ACYP2: variants seen among roughly 807,000 people sequenced by gnomAD.
ACYP2 encodes the protein acylphosphatase-2.
Under a neutral mutation model 11.2 loss-of-function variants are expected in ACYP2, and 12 were observed. That is an observed-to-expected ratio of 1.08 (90% CI 0.69 to 1.74). ACYP2 has a LOEUF of 1.74. Among genes scored for constraint, ACYP2 ranks in the 40% most tolerant of loss-of-function variants. The pLI is 0.00. For missense variants in ACYP2, 134 were observed against 101.9 expected (o/e 1.31, Z -1.35); for synonymous variants, 43 against 32.2 (o/e 1.33, Z -1.13).
intron 6 of ACYP2, among the ~76,000 whole-genome samples, chr2:54,190,422 C>A (rs566990388): frequency 1.3e-5 from 2 of 152,184 alleles, no homozygotes; most frequent in East Asian, 3.9e-4. Flanking sequence ...TCCTCCCTTT[C>A]TCTCTCACTA....
chr2:54,066,959 G>A (rs555441553), intron 4 of ACYP2, among the ~76,000 whole-genome samples: 1 of 152,312 alleles, frequency 6.6e-6, no homozygotes, highest in Non-Finnish European at 1.5e-5. Context: ...GATGGAGTTT[G>A]AATCTGAGAT....
intron 4 of ACYP2, among the ~76,000 whole-genome samples, chr2:54,093,569 G>A (rs987222463): frequency 6.6e-6 from 1 of 152,228 alleles, no homozygotes; most frequent in South Asian, 2.1e-4. Context: ...TGCTGTTTCT[G>A]TGTCTGGGTA....
intron 2 of ACYP2, among the ~76,000 whole-genome samples, chr2:54,000,207 T>C (rs1176207716): frequency 6.6e-6 from 1 of 152,028 alleles, no homozygotes; most frequent in Non-Finnish European, 1.5e-5. Context: ...TATAGTTTTG[T>C]CCCCACACCC....
At position 54,138,703 on chromosome 2, in the gene ACYP2, C is replaced by G; in HGVS notation, c.359C>G (p.Thr120Ser). 1 of 1,614,060 alleles carries G rather than the reference C, an allele frequency of 6.2e-7. No homozygotes were observed. The highest frequency in any genetic ancestry group is 8.5e-7 in the Non-Finnish European group (1 of 1,179,980). The change falls in exon 6 of 7, where the codon ACC becomes AGC. Residue 120 changes from threonine (T) to serine (S), a missense_variant. Transcript: ENST00000607452. The stretch of plus-strand genomic sequence containing the variant: ...TGGGTGAAGAATACCAGCAAAGGCA[C>G]CGTGACAGGCCAAGTGCAGGGGCCA...
intron 6 of ACYP2, among the ~76,000 whole-genome samples, chr2:54,290,654 T>C (rs956953559): frequency 6.6e-6 from 1 of 152,182 alleles, no homozygotes; most frequent in African/African-American, 2.4e-5. Context: ...GATTATCTAG[T>C]AGTTCTCTAT....
intron 4 of ACYP2, among the ~76,000 whole-genome samples, chr2:54,091,112 G>A (rs1255686279): frequency 6.6e-6 from 1 of 152,116 alleles, no homozygotes; most frequent in African/African-American, 2.4e-5. Context: ...TGATTAAAAG[G>A]ACAAAAGGGG....
intron 6 of ACYP2, among the ~76,000 whole-genome samples, chr2:54,162,994 G>C (rs1682792039): frequency 6.6e-6 from 1 of 152,100 alleles, no homozygotes; most frequent in African/African-American, 2.4e-5. Context: ...AAAAGAAAAA[G>C]AAAAATTACT....
intron 2 of ACYP2, among the ~76,000 whole-genome samples, chr2:54,017,488 C>G (rs1406319616): frequency 6.6e-6 from 1 of 152,146 alleles, no homozygotes. Flanking sequence ...CTCCTGACCT[C>G]AAGTGATCTG....
chr2:54,051,171 T>C (rs1341231642), intron 3 of ACYP2: 1 of 710,748 alleles, frequency 1.4e-6, no homozygotes, highest in Non-Finnish European at 2.5e-6. Flanking sequence ...CAGACAGGCA[T>C]TGGGCGACTC....
intron 1 of ACYP2, among the ~76,000 whole-genome samples, chr2:53,972,277 T>A (rs1671186220): frequency 6.8e-6 from 1 of 147,686 alleles, no homozygotes; most frequent in Non-Finnish European, 1.5e-5. Context: ...GCCAGGGCAC[T>A]CCAGCCTGGG....
chr2:54,033,503 A>G (rs60944217), intron 2 of ACYP2, among the ~76,000 whole-genome samples: 1,714 of 152,178 alleles, frequency 0.011, 34 homozygotes, highest in African/African-American at 0.038. Context: ...GTGAGCCACA[A>G]TGCCTGGCCT....
intron 6 of ACYP2, among the ~76,000 whole-genome samples, chr2:54,274,530 A>T (rs1688460490): frequency 6.9e-6 from 1 of 143,920 alleles, no homozygotes; most frequent in African/African-American, 2.5e-5. Context: ...GGTCCCAGCT[A>T]GTGGGAGGAT....
At chr2:54,077,148 T>C (rs1677384802) in intron 4 of ACYP2, among the ~76,000 whole-genome samples, 1 of 152,228 alleles carries the variant, frequency 6.6e-6, no homozygotes, top group Admixed American at 6.5e-5. Flanking sequence ...AAATGTAAGA[T>C]ACATTTTCAC....
intron 6 of ACYP2, among the ~76,000 whole-genome samples, chr2:54,159,988 C>T (rs1003118207): frequency 6.6e-6 from 1 of 152,196 alleles, no homozygotes; most frequent in Admixed American, 6.5e-5. Flanking sequence ...TGCTCTGCTT[C>T]CTGACATCAT....
chr2:53,996,793 A>G (rs1672594180), intron 2 of ACYP2, among the ~76,000 whole-genome samples: 1 of 152,244 alleles, frequency 6.6e-6, no homozygotes, highest in African/African-American at 2.4e-5. Flanking sequence ...AGTACAGAGC[A>G]CAGACTGTTG....
At chr2:54,075,119 C>CT (rs1203338073) in intron 4 of ACYP2, among the ~76,000 whole-genome samples, 1 of 152,128 alleles carries the variant, frequency 6.6e-6, no homozygotes, top group African/African-American at 2.4e-5. Flanking sequence ...AATATAGTAG[C>CT]TATTCACAAT....
At chr2:54,206,709 T>C (rs1219597941) in intron 6 of ACYP2, among the ~76,000 whole-genome samples, 2 of 152,256 alleles carry the variant, frequency 1.3e-5, no homozygotes, top group African/African-American at 4.8e-5. Flanking sequence ...ATTCACCTAC[T>C]GGCTCCAAAA....
At chr2:54,255,597 CCT>C in intron 6 of ACYP2, 1 of 1,613,508 alleles carries the variant, frequency 6.2e-7, no homozygotes, top group Non-Finnish European at 8.5e-7. Flanking sequence ...GCCCTGCCTC[CCT>C]GTTTACCTCA....
intron 6 of ACYP2, among the ~76,000 whole-genome samples, chr2:54,230,987 C>T (rs906376192): frequency 2.8e-4 from 43 of 151,690 alleles, no homozygotes; most frequent in Admixed American, 1.2e-3. Flanking sequence ...CCTGCCACCA[C>T]GCCCAGCTAA....
Sources: allele counts gnomAD v4.1 joint callset (sites outside exome capture counted in the v4.1 genomes callset), GRCh38; gene constraint gnomAD v4.1.1; transcripts MANE v1.5; gene names NCBI Gene and HGNC (gene_info 2026-07-23, HGNC 2026-07-21).